Variants in SOX5 observed in about 807,000 individuals in gnomAD.
SOX5 encodes SRY-box transcription factor 5.
SOX5 carries 9 observed loss-of-function variants against 92.0 expected under a neutral mutation model. The ratio of observed to expected loss-of-function variants is 0.10; its 90% CI spans 0.06 to 0.17. The LOEUF is 0.17. Ranked by LOEUF, SOX5 falls within the 10% of genes least tolerant of loss-of-function variation. The pLI, the probability that SOX5 is intolerant of heterozygous loss-of-function variation, is 1.00. For synonymous variants in SOX5, 344 were observed against 336.3 expected, an observed-to-expected ratio of 1.02 and a Z score of -0.25; for missense variants, 642 against 944.5, an observed-to-expected ratio of 0.68 and a Z score of 4.20.
intron 8 of SOX5, 61 bp from the exon 9 acceptor site, chr12:23,604,594 A>G: frequency 2.7e-6 from 4 of 1,504,834 alleles, no homozygotes; most frequent in South Asian, 2.3e-5. Flanking sequence ...TAAACGTACC[A>G]TTCAGAAAGT....
At chr12:24,546,896 T>C (rs1337214064) in intron 1 of SOX5, among the ~76,000 whole-genome samples, 1 of 152,176 alleles carries the variant, frequency 6.6e-6, no homozygotes, top group Non-Finnish European at 1.5e-5. Flanking sequence ...CACTGAGAAC[T>C]TCCAGTAAAA....
intron 1 of SOX5, among the ~76,000 whole-genome samples, chr12:24,545,878 T>C (rs1287079860): frequency 2.0e-5 from 3 of 152,188 alleles, no homozygotes; most frequent in African/African-American, 7.2e-5. Context: ...AGAACATCTC[T>C]GAACAGCCAT....
At chr12:24,342,582 G>A (rs957135685) in intron 2 of SOX5, among the ~76,000 whole-genome samples, 15 of 152,086 alleles carry the variant, frequency 9.9e-5, no homozygotes, top group African/African-American at 2.2e-4. Flanking sequence ...CCACTAATTC[G>A]TATAAATCAT....
At chr12:24,425,102 G>A (rs1402543144) in intron 1 of SOX5, among the ~76,000 whole-genome samples, 1 of 152,188 alleles carries the variant, frequency 6.6e-6, no homozygotes, top group Non-Finnish European at 1.5e-5. Flanking sequence ...CAGAATTAAT[G>A]TAGAGTGAAA....
chr12:24,112,514 A>C (rs1348472476), intron 4 of SOX5, among the ~76,000 whole-genome samples: 1 of 144,082 alleles, frequency 6.9e-6, no homozygotes, highest in Non-Finnish European at 1.5e-5. Flanking sequence ...GAACAACTTC[A>C]AGGTTCCTTT....
intron 6 of SOX5, among the ~76,000 whole-genome samples, chr12:23,704,570 A>G (rs1011682935): frequency 6.6e-6 from 1 of 151,198 alleles, no homozygotes; most frequent in African/African-American, 2.4e-5. Context: ...TGTTACCACC[A>G]GTAAGACATA....
intron 1 of SOX5, among the ~76,000 whole-genome samples, chr12:24,400,637 G>A (rs142223286): frequency 9.2e-5 from 14 of 152,198 alleles, no homozygotes; most frequent in East Asian, 1.9e-4. Context: ...TTCTCTTCCC[G>A]AGTCTCCTTA....
intron 8 of SOX5, among the ~76,000 whole-genome samples, chr12:23,624,486 G>T (rs10505897): frequency 6.6e-6 from 1 of 152,102 alleles, no homozygotes; most frequent in African/African-American, 2.4e-5. Context: ...GAGTAATATA[G>T]AGAGAAAACC....
intron 6 of SOX5, among the ~76,000 whole-genome samples, chr12:23,731,236 T>C (rs1025601594): frequency 6.6e-6 from 1 of 152,164 alleles, no homozygotes; most frequent in East Asian, 1.9e-4. Flanking sequence ...TCTGAGGCCT[T>C]TGCACTTGGA....
chr12:23,711,851 T>A (rs2092082276), intron 6 of SOX5, among the ~76,000 whole-genome samples: 2 of 152,236 alleles, frequency 1.3e-5, no homozygotes, highest in Non-Finnish European at 2.9e-5. Context: ...ATCATGATCA[T>A]CACCACAAAG....
At chr12:23,884,340 T>A (rs1480314129) in intron 2 of SOX5, among the ~76,000 whole-genome samples, 3 of 152,208 alleles carry the variant, frequency 2.0e-5, no homozygotes, top group Non-Finnish European at 2.9e-5. Flanking sequence ...ACTAATACCC[T>A]ATGCCAACTC....
chr12:23,731,007 G>A (rs143901542), intron 6 of SOX5, among the ~76,000 whole-genome samples: 141 of 152,222 alleles, frequency 9.3e-4, no homozygotes, highest in Non-Finnish European at 1.8e-3. Flanking sequence ...TCTCAATGTG[G>A]GCAGGCACCT....
At chr12:23,788,146 G>A (rs186470957) in intron 3 of SOX5, among the ~76,000 whole-genome samples, 1 of 151,644 alleles carries the variant, frequency 6.6e-6, no homozygotes, top group Non-Finnish European at 1.5e-5. Flanking sequence ...CAAAATTGGA[G>A]TTACAGAAAG....
At chr12:24,083,414 C>T (rs1020406454) in intron 4 of SOX5, among the ~76,000 whole-genome samples, 1 of 152,062 alleles carries the variant, frequency 6.6e-6, no homozygotes, top group African/African-American at 2.4e-5. Flanking sequence ...TGCTATCTGC[C>T]AGGCATTGTA....
intron 2 of SOX5, among the ~76,000 whole-genome samples, chr12:24,343,905 C>CA (rs1409524475): frequency 2.6e-5 from 4 of 151,796 alleles, no homozygotes; most frequent in Non-Finnish European, 4.4e-5. Flanking sequence ...GGAATTTTGG[C>CA]AAAAAATCTT....
chr12:24,337,591 C>T (rs145244139), intron 2 of SOX5, among the ~76,000 whole-genome samples: 186 of 152,198 alleles, frequency 1.2e-3, no homozygotes, highest in African/African-American at 4.1e-3. Context: ...CTGCCCACCT[C>T]GGCCTCCCAA....
At chr12:24,353,002 G>A (rs1274958362) in intron 2 of SOX5, among the ~76,000 whole-genome samples, 1 of 152,190 alleles carries the variant, frequency 6.6e-6, no homozygotes, top group Non-Finnish European at 1.5e-5. Flanking sequence ...CATGCCCAGG[G>A]GATGGGGGTG....
chr12:24,278,414 A>T (rs1308478171), intron 2 of SOX5, among the ~76,000 whole-genome samples: 2 of 152,126 alleles, frequency 1.3e-5, no homozygotes. Flanking sequence ...AATTATCATT[A>T]AAAACTTTGA....
At chr12:24,210,546 G>A (rs1448661061) in intron 4 of SOX5, among the ~76,000 whole-genome samples, 1 of 152,220 alleles carries the variant, frequency 6.6e-6, no homozygotes, top group Non-Finnish European at 1.5e-5. Flanking sequence ...CTTACAGAAA[G>A]TTATGTGGTT....
Sources: allele counts gnomAD v4.1 joint callset (sites outside exome capture counted in the v4.1 genomes callset), GRCh38; gene constraint gnomAD v4.1.1; transcripts MANE v1.5; gene names NCBI Gene and HGNC (gene_info 2026-07-23, HGNC 2026-07-21).